The following ITGA11 variants were observed in gnomAD, a reference collection of about 807,000 sequenced individuals.
ITGA11 encodes integrin subunit alpha 11, also known as integrin alpha-11.
A neutral mutation model predicts 141.9 loss-of-function variants in ITGA11; 97 were observed. That is an observed-to-expected ratio of 0.68 (90% confidence interval 0.58 to 0.81). The LOEUF is 0.81. Among genes scored for constraint, ITGA11 ranks in the 30% least tolerant of loss-of-function variants. ITGA11 has a pLI of 0.00. For synonymous variants in ITGA11, 658 were observed against 624.6 expected, an observed-to-expected ratio of 1.05 and a Z score of -0.80; for missense variants, 1,387 against 1,559.2, an observed-to-expected ratio of 0.89 and a Z score of 1.86.
intron 10 of ITGA11, among the ~76,000 whole-genome samples, chr15:68,342,887 G>A (rs1595868339): frequency 6.6e-6 from 1 of 152,282 alleles, no homozygotes; most frequent in East Asian, 1.9e-4. Flanking sequence ...TAGGACAGAG[G>A]TGGAGGATCC....
intron 9 of ITGA11, 50 bp downstream of exon 9, chr15:68,350,567 T>C: frequency 1.3e-6 from 2 of 1,554,692 alleles, no homozygotes; most frequent in Admixed American, 1.9e-5. Context: ...GGGGTTTACC[T>C]GACATAAGCC....
intron 2 of ITGA11, among the ~76,000 whole-genome samples, chr15:68,389,056 C>G (rs1567153777): frequency 6.6e-6 from 1 of 152,148 alleles, no homozygotes; most frequent in Non-Finnish European, 1.5e-5. Flanking sequence ...CCCTCCATCT[C>G]TGTACTCTTT....
intron 5 of ITGA11, among the ~76,000 whole-genome samples, chr15:68,359,303 A>G (rs72743265): frequency 0.078 from 11,798 of 152,226 alleles, 1,002 homozygotes; most frequent in African/African-American, 0.21. Flanking sequence ...CTCTCGTGCC[A>G]TTATCTCTGC....
chr15:68,409,833 G>T (rs1257504577), intron 1 of ITGA11, among the ~76,000 whole-genome samples: 2 of 152,164 alleles, frequency 1.3e-5, no homozygotes, highest in East Asian at 1.9e-4. Context: ...ACTGGCCAAG[G>T]TCATACAGCT....
In ITGA11 at chr15:68,323,470, C is replaced by T. The variant is rs547069166; in HGVS notation, c.2322+1661G>A. Among the ~76,000 whole-genome samples the T allele has an allele frequency of 3.9e-5, 6 of 152,244 alleles. No individual in the cohort carries two copies. The East Asian group carries it at 9.6e-4, about 24-fold the overall frequency. On this transcript the variant is annotated intron_variant, in intron 18 of 29. Coordinates refer to ENST00000315757, the MANE Select transcript of ITGA11 (RefSeq NM_001004439.2). ...TCAATAATATGGGATGGCTCACTTC[C>T]CCAACAGGCCAGATATTATGGTATT...
At chr15:68,404,081 T>G (rs933511113) in intron 1 of ITGA11, among the ~76,000 whole-genome samples, 1 of 152,130 alleles carries the variant, frequency 6.6e-6, no homozygotes, top group South Asian at 2.1e-4. Flanking sequence ...GCTTCCAGCT[T>G]TTGTTGGTCT....
At chr15:68,370,602 C>T (rs926460258) in intron 2 of ITGA11, among the ~76,000 whole-genome samples, 3 of 152,210 alleles carry the variant, frequency 2.0e-5, no homozygotes, top group Non-Finnish European at 4.4e-5. Flanking sequence ...AGGCCACATA[C>T]TAACAGTGGC....
chr15:68,341,876 G>A (rs948807885), intron 10 of ITGA11, among the ~76,000 whole-genome samples: 6 of 152,210 alleles, frequency 3.9e-5, no homozygotes, highest in Admixed American at 1.3e-4. Flanking sequence ...GGGGAATTCC[G>A]TCATGACTTC....
At chr15:68,401,734 C>T (rs1566939140) in intron 2 of ITGA11, among the ~76,000 whole-genome samples, 1 of 152,072 alleles carries the variant, frequency 6.6e-6, no homozygotes, top group African/African-American at 2.4e-5. Flanking sequence ...TTCTGGGAAG[C>T]TGGAAATGGT....
chr15:68,402,414 T>C (rs547870068), intron 2 of ITGA11, among the ~76,000 whole-genome samples: 3 of 152,264 alleles, frequency 2.0e-5, no homozygotes, highest in African/African-American at 7.2e-5. Context: ...AAAGTTATTT[T>C]TAAAATTGGA....
Position 68,324,240 on chromosome 15 carries a change from G to A in ITGA11, c.2322+891C>T, listed in dbSNP as rs1893900555. Among the ~76,000 whole-genome samples, 1 of 152,012 alleles carries A rather than the reference G, an allele frequency of 6.6e-6. No individual in the cohort carries two copies. The highest frequency in any genetic ancestry group is 1.5e-5 in the Non-Finnish European group (1 of 67,998). On this transcript the variant is annotated intron_variant, in intron 18 of 29. Coordinates refer to ENST00000315757, the MANE Select transcript of ITGA11 (RefSeq NM_001004439.2). This position sits in a 1 kb window ranked among gnomAD's most constrained non-coding sequence, Gnocchi z 6.3. ...GATGATGGGTGTGAATGAGAGAAGG[G>A]GAGGTTTTCAGGGGCATTGCTGTGG...
At chr15:68,428,421 G>A (rs1897193789) in intron 1 of ITGA11, among the ~76,000 whole-genome samples, 2 of 152,138 alleles carry the variant, frequency 1.3e-5, no homozygotes, top group African/African-American at 4.8e-5. Context: ...TGGATGGGCT[G>A]GGAATGGTGG....
intron 7 of ITGA11, among the ~76,000 whole-genome samples, chr15:68,353,598 C>T (rs530395396): frequency 1.3e-5 from 2 of 152,222 alleles, no homozygotes; most frequent in South Asian, 2.1e-4. Flanking sequence ...TGTAATCGTG[C>T]GAATATCAGC....
intron 12 of ITGA11, 88 bp from the exon 13 acceptor site, chr15:68,332,566 G>C (rs969422631): frequency 2.0e-6 from 3 of 1,467,444 alleles, no homozygotes; most frequent in Non-Finnish European, 2.7e-6. Flanking sequence ...GGGAAGCCAA[G>C]GTCATCCTTT....
rs368332270 is a variant in ITGA11 at position 68,326,822 on chromosome 15, A to G, written c.2069-26T>C. On this transcript the variant is annotated intron_variant, in intron 16 of 29. Transcript: ENST00000315757. This position sits in a 1 kb window ranked among gnomAD's most constrained non-coding sequence, Gnocchi z 6.8. ...CTGCAGGAGGGGAGAGGGCAAGACCACAAAGGTGGAGCCACATGCCCATCC... is the reference window on the plus strand; with the variant it reads ...CTGCAGGAGGGGAGAGGGCAAGACCGCAAAGGTGGAGCCACATGCCCATCC... 20 of 1,563,084 alleles carry G rather than the reference A, an allele frequency of 1.3e-5. No homozygotes were observed. Among genetic ancestry groups the G allele is most frequent in the South Asian group, 4.7e-5 (4 of 84,414 alleles).
At chr15:68,337,935 C>A (rs774406046) in intron 11 of ITGA11, among the ~76,000 whole-genome samples, 12 of 152,112 alleles carry the variant, frequency 7.9e-5, no homozygotes, top group African/African-American at 2.7e-4. Context: ...ATGGCCCCTG[C>A]GGTGGAGACC....
intron 1 of ITGA11, among the ~76,000 whole-genome samples, chr15:68,413,149 C>A (rs982042140): frequency 6.6e-6 from 1 of 152,118 alleles, no homozygotes; most frequent in African/African-American, 2.4e-5. Flanking sequence ...AGGAATTTCC[C>A]ACCCTCAGTA....
intron 1 of ITGA11, among the ~76,000 whole-genome samples, chr15:68,418,998 C>G (rs1267789357): frequency 6.6e-6 from 1 of 152,040 alleles, no homozygotes; most frequent in East Asian, 1.9e-4. Flanking sequence ...CTGGGCCAGT[C>G]TGCCCTGCTC....
intron 10 of ITGA11, among the ~76,000 whole-genome samples, chr15:68,343,812 G>A (rs919926948): frequency 3.9e-5 from 6 of 152,302 alleles, no homozygotes; most frequent in Middle Eastern, 3.4e-3. Context: ...TAGAAGGCTT[G>A]TTTCAACAAG....
Sources: gnomAD v4.1 joint callset for allele counts (sites outside exome capture counted in the v4.1 genomes callset) on GRCh38, gnomAD v4.1.1 for gene constraint, Gnocchi (gnomAD v3.1) non-coding constraint, MANE v1.5 for transcripts, NCBI Gene and HGNC (gene_info 2026-07-23, HGNC 2026-07-21) for gene names.